Variants in ADAM28 observed in about 807,000 individuals in gnomAD.
The protein encoded by ADAM28 is ADAM metallopeptidase domain 28.
Under a neutral mutation model 101.2 loss-of-function variants are expected in ADAM28, and 105 were observed. The observed-to-expected ratio is 1.04, with a 90% CI of 0.89 to 1.22. The LOEUF (loss-of-function observed/expected upper bound fraction) is 1.22, where lower values mean the gene tolerates loss of function less well. Among genes scored for constraint, ADAM28 ranks in the 50% most tolerant of loss-of-function variants. ADAM28 has a pLI of 0.00. For missense variants in ADAM28, 1,028 were observed against 945.4 expected (o/e 1.09, Z -1.15); for synonymous variants, 322 against 310.6 (o/e 1.04, Z -0.39).
In ADAM28 at chr8:24,307,110, G is replaced by T. The variant is rs1421248002; in HGVS notation, c.151-2784G>T. Among the ~76,000 whole-genome samples, 3 of 152,260 alleles carry T rather than the reference G, an allele frequency of 2.0e-5. No homozygotes were observed. The East Asian group carries it at 5.8e-4, about 29-fold the overall frequency. Reference sequence around the variant, plus strand: ...GAGTTATCTTTGTAGTTTCTGTGTTGAGACTATGGGTCTTCCCTGTGCAAA... The same window carrying T: ...GAGTTATCTTTGTAGTTTCTGTGTTTAGACTATGGGTCTTCCCTGTGCAAA... On this transcript the variant is annotated intron_variant, in intron 2 of 22. Coordinates refer to ENST00000265769, the MANE Select transcript of ADAM28 (RefSeq NM_014265.6).
rs1435569765 is a variant in ADAM28, at chr8:24,351,227, T to C, written c.2100-5T>C. 6.3e-7 allele frequency: 1 copy of C among 1,578,858 alleles called. No individual in the cohort carries two copies. Among genetic ancestry groups the C allele is most frequent in the Non-Finnish European group, 8.6e-7 (1 of 1,164,886 alleles). Reference sequence around the variant, plus strand: ...CAATTGATATCATGTGTTTCTCTCTTACAGGCCACTATCTACCACTGGCAC... The same window carrying C: ...CAATTGATATCATGTGTTTCTCTCTCACAGGCCACTATCTACCACTGGCAC... On this transcript the variant is annotated splice_region_variant and splice_polypyrimidine_tract_variant and intron_variant, in intron 19 of 22. Coordinates refer to ENST00000265769, the MANE Select transcript of ADAM28 (RefSeq NM_014265.6).
chr8:24,350,098 G>A (rs1170964199), intron 19 of ADAM28, 126 bp downstream of exon 19: 3 of 773,696 alleles, frequency 3.9e-6, no homozygotes, highest in Non-Finnish European at 5.8e-6. Flanking sequence ...AATACATGCA[G>A]ATGGTCTTTT....
chr8:24,311,251 G>A (rs1001503931), intron 4 of ADAM28, 110 bp from the exon 5 acceptor site: 2 of 723,904 alleles, frequency 2.8e-6, no homozygotes, highest in Non-Finnish European at 4.6e-6. Context: ...TTGTACAGCA[G>A]AATATTGTTT....
At chr8:24,310,654 C>A (rs1778286350) in intron 4 of ADAM28, among the ~76,000 whole-genome samples, 6 of 152,048 alleles carry the variant, frequency 3.9e-5, no homozygotes, top group Admixed American at 3.9e-4. Context: ...TATTCATAGC[C>A]CATCTTTTCT....
chr8:24,301,447 C>T (rs1808758522), intron 2 of ADAM28, among the ~76,000 whole-genome samples: 1 of 151,928 alleles, frequency 6.6e-6, no homozygotes, highest in Non-Finnish European at 1.5e-5. Flanking sequence ...AACAAACTGG[C>T]ACAGGTATCC....
At chr8:24,307,844 G>T (rs1221915157) in intron 2 of ADAM28, among the ~76,000 whole-genome samples, 1 of 152,198 alleles carries the variant, frequency 6.6e-6, no homozygotes, top group Non-Finnish European at 1.5e-5. Flanking sequence ...TCCTCCCTCA[G>T]ATTGAGAATT....
intron 2 of ADAM28, among the ~76,000 whole-genome samples, chr8:24,305,110 T>C (rs1007307366): frequency 6.6e-6 from 1 of 152,006 alleles, no homozygotes; most frequent in Non-Finnish European, 1.5e-5. Flanking sequence ...TCTACTTCTA[T>C]GTTTTTTTTA....
At chr8:24,321,732 T>A (rs969212123) in intron 8 of ADAM28, among the ~76,000 whole-genome samples, 1 of 152,002 alleles carries the variant, frequency 6.6e-6, no homozygotes, top group African/African-American at 2.4e-5. Context: ...TAAGGAATCA[T>A]ATTCTCAGAA....
Position 24,354,387 on chromosome 8 carries a change from T to TA in ADAM28, c.2311_2312insA (p.Ser771TyrfsTer14). The TA allele has an allele frequency of 6.3e-7, 1 of 1,599,268 alleles. No homozygotes were observed. ...TTAGAAGTTATGTCTTTTTTAGGAC[T>TA]CAAATCCAAAAGCATGAAGCAACAG... On this transcript the variant is annotated frameshift_variant, in exon 23 of 23. Transcript: ENST00000265769. LOFTEE classifies it high-confidence loss of function.
At chr8:24,315,341 T>A (rs968740730) in intron 6 of ADAM28, among the ~76,000 whole-genome samples, 2 of 151,950 alleles carry the variant, frequency 1.3e-5, no homozygotes, top group African/African-American at 4.8e-5. Flanking sequence ...TTACAAAAGA[T>A]GTCTCAGAAA....
Position 24,309,935 on chromosome 8 carries a change from T to C in ADAM28, c.192T>C (p.Asn64=). The C allele has an allele frequency of 3.2e-6, 5 of 1,568,038 alleles. No homozygotes were observed. The highest frequency in any genetic ancestry group is 4.4e-6 in the Non-Finnish European group (5 of 1,140,046). The change falls in exon 3 of 23, where the codon AAT becomes AAC. Residue 64 remains asparagine (N), a synonymous_variant. Coordinates refer to ENST00000265769, the MANE Select transcript of ADAM28 (RefSeq NM_014265.6). The part of the protein sequence containing the change: ...ETELKYKMTI[N]GKIAVLYLKK... Reference sequence around the variant, plus strand: ...AATTAAAGTATAAAATGACAATTAATGGAAAAATTGCAGTGCTTTATTTGA... The same window carrying C: ...AATTAAAGTATAAAATGACAATTAACGGAAAAATTGCAGTGCTTTATTTGA...
chr8:24,321,773 G>A (rs1414166857), intron 8 of ADAM28, among the ~76,000 whole-genome samples: 3 of 151,940 alleles, frequency 2.0e-5, no homozygotes, highest in Admixed American at 1.3e-4. Context: ...CACAAAGTGA[G>A]AAAAGAATAG....
chr8:24,343,080 T>C (rs1814982451), intron 16 of ADAM28, 21 bp from the exon 17 acceptor site: 1 of 1,613,504 alleles, frequency 6.2e-7, no homozygotes, highest in Non-Finnish European at 8.5e-7. Context: ...TGAAGCTTCA[T>C]GTTTTCTACA....
At position 24,310,235 on chromosome 8, in the gene ADAM28, A is replaced by T. The variant is rs376309592; in HGVS notation, c.300A>T (p.Gln100His). Residue 100 changes from glutamine to histidine, a missense_variant, in exon 4 of 23, where the codon CAA becomes CAT. By Grantham distance (24) the Gln-to-His change is conservative. Transcript: ENST00000265769. ...STGKEITTSP[Q>H]IMDDCYYQGH... ...GAAAGGAGATCACCACAAGCCCACA[A>T]ATTATGGTATAACGGAGTCTCTTCA... 2.7e-5 allele frequency: 44 copies of T among 1,612,424 alleles called. 1 individual carries two copies. In the African/African-American group the frequency reaches 5.5e-4, roughly 20 times the overall value.
intron 10 of ADAM28, among the ~76,000 whole-genome samples, chr8:24,327,112 G>C (rs980769154): frequency 6.6e-6 from 1 of 152,074 alleles, no homozygotes; most frequent in African/African-American, 2.4e-5. Context: ...AATTGTGTCT[G>C]TTTGCAGATG....
intron 2 of ADAM28, among the ~76,000 whole-genome samples, chr8:24,300,570 C>T (rs1178806684): frequency 1.3e-5 from 2 of 152,140 alleles, no homozygotes; most frequent in African/African-American, 4.8e-5. Context: ...CGCCCGCCAC[C>T]ACGCTCGGCT....
rs991897759 is a variant in ADAM28 at position 24,320,897 on chromosome 8, C to T, written c.649-321C>T. 3.3e-5 allele frequency among the ~76,000 whole-genome samples: 5 copies of T among 151,900 alleles called. 1 individual carries two copies. The South Asian group carries it at 1.0e-3, about 31-fold the overall frequency. On this transcript the variant is annotated intron_variant, in intron 7 of 22. Coordinates refer to ENST00000265769, the MANE Select transcript of ADAM28 (RefSeq NM_014265.6). ...TCATGTACTGTTCATGTATGTGTCT[C>T]TTAAATTAATAAGATATTCCTTCTG...
chr8:24,336,107 T>C (rs940307173), intron 14 of ADAM28: 81 of 985,364 alleles, frequency 8.2e-5, no homozygotes, highest in Non-Finnish European at 9.1e-5. Flanking sequence ...TAAGAAAAGA[T>C]GGAAAAAAGA....
chr8:24,353,038 C>A (rs116449337), intron 21 of ADAM28, among the ~76,000 whole-genome samples: 3,602 of 152,158 alleles, frequency 0.024, 139 homozygotes, highest in African/African-American at 0.083. Context: ...CTTGAAATAT[C>A]ACAGCACATT....
Sources: gnomAD v4.1 joint callset for allele counts (sites outside exome capture counted in the v4.1 genomes callset) on GRCh38, gnomAD v4.1.1 for gene constraint, MANE v1.5 for transcripts, NCBI Gene and HGNC (gene_info 2026-07-23, HGNC 2026-07-21) for gene names.